The following ITPRID2 variants were observed in gnomAD, a reference collection of about 807,000 sequenced individuals.
ITPRID2 encodes the protein protein ITPRID2.
A neutral mutation model predicts 124.3 loss-of-function variants in ITPRID2; 60 were observed. The observed-to-expected ratio is 0.48, with a 90% CI of 0.39 to 0.60. The LOEUF (loss-of-function observed/expected upper bound fraction) is 0.60, where lower values mean the gene tolerates loss of function less well. ITPRID2 is among the 20% of genes least tolerant of loss of function. ITPRID2 has a pLI of 0.00. For synonymous variants in ITPRID2, 521 were observed against 542.9 expected (o/e 0.96, Z 0.56); for missense variants, 1,553 against 1,512.2 (o/e 1.03, Z -0.45).
intron 9 of ITPRID2, among the ~76,000 whole-genome samples, chr2:181,913,036 T>G (rs1693728937): frequency 1.3e-5 from 2 of 152,164 alleles, no homozygotes; most frequent in African/African-American, 4.8e-5. Flanking sequence ...CATTTCAGAT[T>G]ATTTAATTTA....
In ITPRID2 at chr2:181,929,729, T is replaced by C; in HGVS notation, c.*182T>C. 4.0e-6 allele frequency: 4 copies of C among 1,005,418 alleles called. No homozygotes were observed. The highest frequency in any genetic ancestry group is 5.7e-6 in the Non-Finnish European group (4 of 703,038). 62.3% of individuals were successfully genotyped at this position (1,005,418 alleles called of 1,614,324 possible). A position where few individuals can be genotyped will look rare whatever the true frequency, so the allele number is the denominator to read the frequency against. On this transcript the variant is annotated 3_prime_UTR_variant, in exon 18 of 18. Transcript: ENST00000431877. Reference sequence around the variant, plus strand: ...ATTTTAAAAAGACGTACATAGAAACTTAGGCACTTTGCTATTTCTTTTCTA... The same window carrying C: ...ATTTTAAAAAGACGTACATAGAAACCTAGGCACTTTGCTATTTCTTTTCTA...
intron 15 of ITPRID2, among the ~76,000 whole-genome samples, chr2:181,920,991 C>T (rs1160249487): frequency 6.6e-6 from 1 of 152,038 alleles, no homozygotes; most frequent in Non-Finnish European, 1.5e-5. Context: ...TGAGACCAGC[C>T]TAGTCAACAA....
chr2:181,896,881 G>C lies in ITPRID2; in HGVS notation c.308-27G>C. 1.2e-6 allele frequency: 2 copies of C among 1,600,244 alleles called. No homozygotes were observed. Among genetic ancestry groups the C allele is most frequent in the South Asian group, 2.2e-5 (2 of 90,590 alleles). ...GAGGGTGGAGAGGAACAGAACACCAGGATGAGTTTTCAAATGTGTCTTTCA... is the reference window on the plus strand; with the variant it reads ...GAGGGTGGAGAGGAACAGAACACCACGATGAGTTTTCAAATGTGTCTTTCA... On this transcript the variant is annotated intron_variant, in intron 3 of 17. Transcript: ENST00000431877. The surrounding 1 kb of genome is among the most constrained non-coding windows in gnomAD (Gnocchi z 4.3).
chr2:181,925,074 T>C (rs961896114), intron 16 of ITPRID2, among the ~76,000 whole-genome samples: 1 of 152,260 alleles, frequency 6.6e-6, no homozygotes, highest in African/African-American at 2.4e-5. Flanking sequence ...TTAGAGTTCA[T>C]AGACTTGATT....
rs1693946849 is a variant in ITPRID2, at chr2:181,915,359, C to T, written c.1719C>T (p.Val573=). Residue 573 remains valine, a synonymous_variant, in exon 11 of 18, where the codon GTC becomes GTT. Coordinates refer to ENST00000431877, the MANE Select transcript of ITPRID2 (RefSeq NM_001130445.3). ...ATGAATCAGAGGAGGAGTCTCTTGTCCCTCTTCAGAAGGGACTAGAGAAGG... is the reference window on the plus strand; with the variant it reads ...ATGAATCAGAGGAGGAGTCTCTTGTTCCTCTTCAGAAGGGACTAGAGAAGG... ...YFNESEEESL[V]PLQKGLEKAA... The T allele has an allele frequency of 6.2e-7, 1 of 1,614,120 alleles. No homozygotes were observed. The highest frequency in any genetic ancestry group is 2.2e-5 in the East Asian group (1 of 44,884).
At position 181,922,224 on chromosome 2, in the gene ITPRID2, A is replaced by G; in HGVS notation, c.3487A>G (p.Thr1163Ala). Residue 1163 changes from threonine (T) to alanine (A), a missense_variant, in exon 16 of 18, where the codon ACA becomes GCA. Physicochemically the swap from Thr to Ala is moderately conservative, Grantham distance 58. Transcript: ENST00000431877. Reference sequence around the variant, plus strand: ...TCTAACGCCAACAGCTCCTTCTAGAACAGGCTCTGTGCAGACACCTCCAGA... The same window carrying G: ...TCTAACGCCAACAGCTCCTTCTAGAGCAGGCTCTGTGCAGACACCTCCAGA... Reference protein sequence around the residue: ...VALTPTAPSRTGSVQTPPDLE... With the variant: ...VALTPTAPSRAGSVQTPPDLE... The G allele has an allele frequency of 6.2e-7, 1 of 1,614,246 alleles. No individual in the cohort carries two copies. The highest frequency in any genetic ancestry group is 1.3e-5 in the African/African-American group (1 of 75,058).
At chr2:181,900,649 T>C in intron 6 of ITPRID2, 47 bp from the exon 7 acceptor site, 1 of 1,368,062 alleles carries the variant, frequency 7.3e-7, no homozygotes, top group Non-Finnish European at 1.0e-6. Flanking sequence ...GGACTATCAA[T>C]TTATTTTATA....
intron 10 of ITPRID2, 143 bp from the exon 11 acceptor site, chr2:181,915,072 AG>A (rs1693920585): frequency 1.2e-6 from 1 of 862,194 alleles, no homozygotes; most frequent in Non-Finnish European, 1.8e-6. Flanking sequence ...GCTGCTCAGG[AG>A]CAATAAAACA....
chr2:181,903,911 A>G (rs1692882268), intron 8 of ITPRID2, among the ~76,000 whole-genome samples: 2 of 152,318 alleles, frequency 1.3e-5, no homozygotes, highest in Middle Eastern at 3.4e-3. Context: ...GCCCTCTTCT[A>G]TGACAATTAG....
rs75876330 is a variant in ITPRID2, at chr2:181,902,273, G to A, written c.1220G>A (p.Gly407Asp). 272 of 1,613,636 alleles carry A rather than the reference G, an allele frequency of 1.7e-4. No individual in the cohort carries two copies. The highest frequency in any genetic ancestry group is 2.2e-4 in the Non-Finnish European group (260 of 1,179,774). The change falls in exon 8 of 18, where the codon GGT becomes GAT. Residue 407 changes from glycine (G) to aspartate (D), a missense_variant. Coordinates refer to ENST00000431877, the MANE Select transcript of ITPRID2 (RefSeq NM_001130445.3). The surrounding 1 kb of genome is among the most constrained non-coding windows in gnomAD (Gnocchi z 4.4). Reference protein sequence around the residue: ...KETQSHESKLGEESGIVESKL... With the variant: ...KETQSHESKLDEESGIVESKL... The stretch of plus-strand genomic sequence containing the variant: ...ACTCAAAGTCATGAGAGTAAACTGG[G>A]TGAGGAATCTGGTATTGTAGAATCC...
Position 181,915,651 on chromosome 2 carries a change from G to A in ITPRID2, c.2011G>A (p.Ala671Thr). ...HILKSLASIE[A>T]KCSDMSSENT... ...TCTGAAATCATTGGCTTCTATTGAA[G>A]CTAAATGCAGTGATATGAGCTCTGA... The change falls in exon 11 of 18, where the codon GCT (alanine) becomes ACT (threonine). Residue 671 changes from alanine (A) to threonine (T), a missense_variant. By Grantham distance (58) the Ala-to-Thr change is moderately conservative. Transcript: ENST00000431877. 1 of 1,614,204 alleles carries A rather than the reference G, an allele frequency of 6.2e-7. No individual in the cohort carries two copies. The highest frequency in any genetic ancestry group is 1.1e-5 in the South Asian group (1 of 91,090).
intron 15 of ITPRID2, 82 bp downstream of exon 15, chr2:181,920,744 T>A: frequency 9.9e-7 from 1 of 1,014,428 alleles, no homozygotes; most frequent in Non-Finnish European, 1.5e-6. Context: ...TTAGATGAAA[T>A]ATATGTTTAT....
At chr2:181,911,438 GTAGT>G (rs1254573713) in intron 9 of ITPRID2, among the ~76,000 whole-genome samples, 11 of 152,286 alleles carry the variant, frequency 7.2e-5, no homozygotes, top group Admixed American at 7.2e-4. Context: ...TTAGCATTCG[GTAGT>G]TATGTTGAGA....
intron 8 of ITPRID2, 85 bp from the exon 9 acceptor site, chr2:181,909,814 A>T: frequency 1.0e-6 from 1 of 983,912 alleles, no homozygotes; most frequent in Admixed American, 2.1e-5. Context: ...AGTTAGGTTG[A>T]TTTGTTTAAT....
In ITPRID2 at chr2:181,919,202, C is replaced by T. The variant is rs1694297886; in HGVS notation, c.2994-94C>T. 2.9e-6 allele frequency: 4 copies of T among 1,399,192 alleles called. No individual in the cohort carries two copies. The highest frequency in any genetic ancestry group is 1.2e-5 in the South Asian group (1 of 81,020). 86.7% of individuals were successfully genotyped at this position (1,399,192 alleles called of 1,614,324 possible). ...ATTTCTAGAACCTGAGATTTCCATG[C>T]CTTCTGTTAGCATATAGTAGTTGTT... On this transcript the variant is annotated intron_variant, in intron 13 of 17. Transcript: ENST00000431877. The surrounding 1 kb of genome is among the most constrained non-coding windows in gnomAD (Gnocchi z 4.2).
intron 2 of ITPRID2, among the ~76,000 whole-genome samples, chr2:181,894,968 C>T (rs1001350796): frequency 6.6e-6 from 1 of 151,994 alleles, no homozygotes; most frequent in African/African-American, 2.4e-5. Context: ...TAAAGACATA[C>T]ATTAGAATTT....
chr2:181,916,941 GAGTT>G (rs1694108226), intron 11 of ITPRID2: 1 of 989,070 alleles, frequency 1.0e-6, no homozygotes. Context: ...GCTGTGCACA[GAGTT>G]AGTCTACTTC....
chr2:181,920,716 A>G, intron 15 of ITPRID2, 54 bp downstream of exon 15: 1 of 1,300,838 alleles, frequency 7.7e-7, no homozygotes. Context: ...AACATTTCAG[A>G]CACATAGTTT....
chr2:181,918,552 T>C (rs1694248493), intron 11 of ITPRID2, 46 bp from the exon 12 acceptor site: 1 of 1,605,826 alleles, frequency 6.2e-7, no homozygotes, highest in African/African-American at 1.3e-5. Flanking sequence ...GATTTGGAAG[T>C]ATTCACTTTA....
Sources: gnomAD v4.1 joint callset for allele counts (sites outside exome capture counted in the v4.1 genomes callset) on GRCh38, gnomAD v4.1.1 for gene constraint, Gnocchi (gnomAD v3.1) non-coding constraint, MANE v1.5 for transcripts, NCBI Gene and HGNC (gene_info 2026-07-23, HGNC 2026-07-21) for gene names.